Variants in GLS observed in about 807,000 individuals in gnomAD.
GLS encodes glutaminase, also known as glutaminase kidney isoform, mitochondrial.
A neutral mutation model predicts 86.7 loss-of-function variants in GLS; 36 were observed. The observed-to-expected ratio is 0.42, with a 90% CI of 0.32 to 0.55. GLS has a LOEUF of 0.55. GLS is among the 20% of genes least tolerant of loss of function. The pLI, the probability that GLS is intolerant of heterozygous loss-of-function variation, is 0.17. For missense variants in GLS, 528 were observed against 833.4 expected, an observed-to-expected ratio of 0.63 and a Z score of 4.51; for synonymous variants, 317 against 305.9, an observed-to-expected ratio of 1.04 and a Z score of -0.38.
chr2:190,889,277 T>A (rs974930561), intron 1 of GLS, among the ~76,000 whole-genome samples: 1 of 152,234 alleles, frequency 6.6e-6, no homozygotes, highest in Non-Finnish European at 1.5e-5. Context: ...AGTTAATTTT[T>A]TTAGATTGAG....
chr2:190,940,336 TTACAG>T (rs559053531), intron 14 of GLS, among the ~76,000 whole-genome samples: 20 of 152,154 alleles, frequency 1.3e-4, no homozygotes, highest in Admixed American at 7.9e-4. Flanking sequence ...TCTGATGAAA[TTACAG>T]TACAAGTGAT....
rs772006721 is a variant in GLS at position 190,881,120 on chromosome 2, C to T, written c.36C>T (p.Asp12=). 6 of 1,561,008 alleles carry T rather than the reference C, an allele frequency of 3.8e-6. No homozygotes were observed. Among genetic ancestry groups the T allele is most frequent in the East Asian group, 4.8e-5 (2 of 41,562 alleles). Reference sequence around the variant, plus strand: ...TGCGAGGCTCGGGGATGCTGCGGGACCTGCTCCTGCGGTCGCCCGCCGGCG... The same window carrying T: ...TGCGAGGCTCGGGGATGCTGCGGGATCTGCTCCTGCGGTCGCCCGCCGGCG... The part of the protein sequence containing the change: ...MRLRGSGMLR[D]LLLRSPAGVS... Residue 12 remains aspartate (D), a synonymous_variant, in exon 1 of 18, where the codon GAC becomes GAT. Coordinates refer to ENST00000320717, the MANE Select transcript of GLS (RefSeq NM_014905.5).
At chr2:190,892,260 TAGAA>T (rs1338786413) in intron 1 of GLS, among the ~76,000 whole-genome samples, 1 of 152,148 alleles carries the variant, frequency 6.6e-6, no homozygotes, top group Non-Finnish European at 1.5e-5. Flanking sequence ...AGGCAGCATT[TAGAA>T]AGGAAACGAG....
In GLS at chr2:190,905,339, C is replaced by G. The variant is rs1689095486; in HGVS notation, c.979+172C>G. The G allele has an allele frequency of 3.7e-6, 2 of 540,730 alleles. No homozygotes were observed. Among genetic ancestry groups the G allele is most frequent in the Admixed American group, 3.3e-5 (1 of 29,974 alleles). The allele number at this position is 540,730 out of a possible 1,614,324, so 33.5% of individuals were successfully genotyped here. On this transcript the variant is annotated intron_variant, in intron 6 of 17. Coordinates refer to ENST00000320717, the MANE Select transcript of GLS (RefSeq NM_014905.5). This position sits in a 1 kb window ranked among gnomAD's most constrained non-coding sequence, Gnocchi z 4.6. ...TTTTAAAAATGATTATTTTAGGCAT[C>G]TCATACCACTGGGAAGTGGGCTAGG...
intron 1 of GLS, among the ~76,000 whole-genome samples, chr2:190,890,157 T>A (rs1574561053): frequency 6.6e-6 from 1 of 152,260 alleles, no homozygotes; most frequent in East Asian, 1.9e-4. Context: ...AAACAAAATT[T>A]TTTTTAAATT....
chr2:190,927,101 T>C, intron 11 of GLS: 1 of 483,232 alleles, frequency 2.1e-6, no homozygotes, highest in Non-Finnish European at 3.6e-6. Context: ...AGACTGAGTA[T>C]CTTTGGCCAA....
chr2:190,931,306 G>A (rs560214436), intron 13 of GLS, among the ~76,000 whole-genome samples: 1 of 152,174 alleles, frequency 6.6e-6, no homozygotes, highest in South Asian at 2.1e-4. Context: ...CTATTTTGTA[G>A]AAGATGAAAG....
At chr2:190,881,662 C>G (rs910409417) in intron 1 of GLS, 192 bp downstream of exon 1, 3 of 545,246 alleles carry the variant, frequency 5.5e-6, no homozygotes, top group Non-Finnish European at 6.2e-6. Flanking sequence ...CGCCCGCAAC[C>G]CTCCGCCAGG....
Position 190,893,438 on chromosome 2 carries a change from C to T in GLS, c.387-1714C>T, listed in dbSNP as rs142527609. On this transcript the variant is annotated intron_variant, in intron 1 of 17. Transcript: ENST00000320717. ...ATTTGTTGAGCTTCTAAGTATGTACCAGAAATCATACTATGTTTTGGATAA... is the reference window on the plus strand; with the variant it reads ...ATTTGTTGAGCTTCTAAGTATGTACTAGAAATCATACTATGTTTTGGATAA... Among the ~76,000 whole-genome samples, 467 of 152,138 alleles carry T rather than the reference C, an allele frequency of 3.1e-3. 2 individuals are homozygous for T. The highest frequency in any genetic ancestry group is 0.01 in the African/African-American group (419 of 41,488).
chr2:190,937,864 T>G (rs1350391165), intron 14 of GLS, among the ~76,000 whole-genome samples: 1 of 148,360 alleles, frequency 6.7e-6, no homozygotes, highest in African/African-American at 2.5e-5. Flanking sequence ...TTTTGTAAAT[T>G]TCATTCACCA....
In GLS at chr2:190,955,267, C is replaced by G. The variant is rs754098461; in HGVS notation, c.1853+449C>G. ...TCTACATTAGGTATTTCTTCTAATG[C>G]GATCCCTCCCTTACCCTGACCCCCA... is the stretch of plus-strand genomic sequence containing the variant. On this transcript the variant is annotated intron_variant, in intron 17 of 17. Transcript: ENST00000320717. This position sits in a 1 kb window ranked among gnomAD's most constrained non-coding sequence, Gnocchi z 5.6. Among the ~76,000 whole-genome samples the G allele has an allele frequency of 6.6e-6, 1 of 152,128 alleles. No individual in the cohort carries two copies.
intron 3 of GLS, among the ~76,000 whole-genome samples, chr2:190,898,118 A>G (rs1213877247): frequency 1.3e-5 from 2 of 152,146 alleles, no homozygotes; most frequent in East Asian, 3.9e-4. Flanking sequence ...TCTTTGTATG[A>G]TCATAATTTT....
In GLS at chr2:190,931,428, T is replaced by C. The variant is rs1690102031; in HGVS notation, c.1558-117T>C. 5 of 466,920 alleles carry C rather than the reference T, an allele frequency of 1.1e-5. No individual in the cohort carries two copies. The South Asian group carries it at 1.8e-4, about 17-fold the overall frequency. 28.9% of individuals were successfully genotyped at this position (466,920 alleles called of 1,614,324 possible). On this transcript the variant is annotated intron_variant, in intron 13 of 17. Transcript: ENST00000320717. ...CTTCTTGATGCATTATACTACTTTATTAGCATGTAGTGATGATTTCTAGGC... is the reference window on the plus strand; with the variant it reads ...CTTCTTGATGCATTATACTACTTTACTAGCATGTAGTGATGATTTCTAGGC...
At chr2:190,906,328 G>A (rs1689133971) in intron 6 of GLS, among the ~76,000 whole-genome samples, 1 of 152,042 alleles carries the variant, frequency 6.6e-6, no homozygotes, top group Non-Finnish European at 1.5e-5. Flanking sequence ...GATGGATTTC[G>A]AGGGAGATAT....
intron 7 of GLS, among the ~76,000 whole-genome samples, chr2:190,918,716 T>A (rs531565701): frequency 6.6e-6 from 1 of 152,280 alleles, no homozygotes; most frequent in East Asian, 1.9e-4. Context: ...CCTTTCTTAC[T>A]AAGCTTAATA....
chr2:190,940,532 T>C (rs1053205519), intron 14 of GLS, among the ~76,000 whole-genome samples: 1 of 152,086 alleles, frequency 6.6e-6, no homozygotes, highest in African/African-American at 2.4e-5. Flanking sequence ...AGCAGTTTTA[T>C]TGTAGACGTA....
At chr2:190,892,792 T>G (rs1165636822) in intron 1 of GLS, among the ~76,000 whole-genome samples, 1 of 152,146 alleles carries the variant, frequency 6.6e-6, no homozygotes, top group Non-Finnish European at 1.5e-5. Context: ...TGACAGCTTA[T>G]TTTGTGAGCT....
At chr2:190,961,039 A>AT (rs869122383) in intron 17 of GLS, among the ~76,000 whole-genome samples, 1 of 152,098 alleles carries the variant, frequency 6.6e-6, no homozygotes, top group Non-Finnish European at 1.5e-5. Flanking sequence ...ATATGTATTA[A>AT]TTTTTTTTGC....
intron 1 of GLS, among the ~76,000 whole-genome samples, chr2:190,888,390 A>T (rs1038719866): frequency 5.3e-5 from 8 of 152,214 alleles, no homozygotes; most frequent in South Asian, 4.1e-4. Flanking sequence ...TCTCTGCCAT[A>T]TTAAAACATT....
Sources: allele counts gnomAD v4.1 joint callset (sites outside exome capture counted in the v4.1 genomes callset), GRCh38; gene constraint gnomAD v4.1.1; non-coding constraint Gnocchi (gnomAD v3.1); transcripts MANE v1.5; gene names NCBI Gene and HGNC (gene_info 2026-07-23, HGNC 2026-07-21).